Variants in DAB1 observed in about 807,000 individuals in gnomAD.
The protein encoded by DAB1 is disabled homolog 1.
DAB1 carries 15 observed loss-of-function variants against 64.6 expected under a neutral mutation model. That is an observed-to-expected ratio of 0.23 (90% CI 0.16 to 0.36). DAB1 has a LOEUF of 0.36. Ranked by LOEUF, DAB1 falls within the 10% of genes least tolerant of loss-of-function variation. DAB1 has a pLI of 1.00. For synonymous variants in DAB1, 235 were observed against 251.9 expected, an observed-to-expected ratio of 0.93 and a Z score of 0.64; for missense variants, 596 against 706.7, an observed-to-expected ratio of 0.84 and a Z score of 1.78.
intron 7 of DAB1, among the ~76,000 whole-genome samples, chr1:57,484,719 A>G (rs115366391): frequency 1.8e-4 from 28 of 152,170 alleles, no homozygotes; most frequent in African/African-American, 5.8e-4. Flanking sequence ...AAATTCATGA[A>G]GCTGGCTAAG....
intron 3 of DAB1, among the ~76,000 whole-genome samples, chr1:58,408,194 G>C (rs1161217593): frequency 6.6e-6 from 1 of 152,182 alleles, no homozygotes. Flanking sequence ...TTGAGACCCA[G>C]TGATCTGACA....
chr1:58,095,381 C>T (rs1053906926), intron 5 of DAB1, among the ~76,000 whole-genome samples: 4 of 152,100 alleles, frequency 2.6e-5, no homozygotes, highest in Non-Finnish European at 5.9e-5. Flanking sequence ...AAGTACTATC[C>T]GCATTCTACA....
At chr1:57,578,515 C>G (rs967456866) in intron 7 of DAB1, among the ~76,000 whole-genome samples, 7 of 152,204 alleles carry the variant, frequency 4.6e-5, no homozygotes, top group African/African-American at 1.2e-4. Flanking sequence ...TTCCAGAGGG[C>G]ACACGCCTGG....
chr1:57,367,109 A>AAAATAAAATAAAATAAAATAAAATAAAAT (rs1491339883), intron 1 of DAB1, among the ~76,000 whole-genome samples: 37 of 131,786 alleles, frequency 2.8e-4, no homozygotes, highest in African/African-American at 1.0e-3. Context: ...AAAATAAAAT[A>AAAATAAAATAAAATAAAATAAAATAAAAT]AAATAAAATA....
chr1:58,465,982 C>T (rs1273166417), intron 3 of DAB1, among the ~76,000 whole-genome samples: 1 of 152,152 alleles, frequency 6.6e-6, no homozygotes, highest in Non-Finnish European at 1.5e-5. Context: ...GCCAGATGTG[C>T]AGGGTTACCA....
chr1:58,168,633 C>T (rs1229488952), intron 4 of DAB1, among the ~76,000 whole-genome samples: 1 of 152,088 alleles, frequency 6.6e-6, no homozygotes, highest in Non-Finnish European at 1.5e-5. Flanking sequence ...GGGAGACTAC[C>T]TGGAATTTTA....
intron 4 of DAB1, among the ~76,000 whole-genome samples, chr1:57,131,017 A>G (rs1657609918): frequency 6.6e-6 from 1 of 152,232 alleles, no homozygotes; most frequent in South Asian, 2.1e-4. Context: ...AATATTGCAG[A>G]TTATTTAGCA....
Position 58,127,155 on chromosome 1 carries a change from C to A in DAB1, n.387+23356G>T, listed in dbSNP as rs1653162742. 1.8e-4 allele frequency among the ~76,000 whole-genome samples: 27 copies of A among 151,844 alleles called. No homozygotes were observed. In the South Asian group the frequency reaches 5.6e-3, roughly 32 times the overall value. ...GACTTTTTAATGATTGCCATTCTAACTGGTGTGAGATGGTATCTCATTGTG... is the reference window on the plus strand; with the variant it reads ...GACTTTTTAATGATTGCCATTCTAAATGGTGTGAGATGGTATCTCATTGTG... On this transcript the variant is annotated intron_variant and non_coding_transcript_variant, in intron 5 of 20. Coordinates refer to the DAB1 transcript ENST00000485760.
chr1:58,143,365 G>C (rs1654393642), intron 5 of DAB1, among the ~76,000 whole-genome samples: 2 of 152,122 alleles, frequency 1.3e-5, no homozygotes, highest in African/African-American at 4.8e-5. Flanking sequence ...CCCCACCAGT[G>C]CATCTTAAAC....
intron 5 of DAB1, among the ~76,000 whole-genome samples, chr1:57,911,949 C>G (rs146032058): frequency 6.6e-6 from 1 of 152,200 alleles, no homozygotes. Context: ...AACTAATCCC[C>G]TGTATTAAAC....
intron 6 of DAB1, among the ~76,000 whole-genome samples, chr1:57,754,964 A>G (rs1165701888): frequency 2.6e-5 from 4 of 152,158 alleles, no homozygotes; most frequent in Non-Finnish European, 5.9e-5. Flanking sequence ...CAAGTTTTCC[A>G]AAACTCAGTT....
chr1:57,400,427 C>A (rs145856990), intron 1 of DAB1, among the ~76,000 whole-genome samples: 14 of 152,174 alleles, frequency 9.2e-5, no homozygotes, highest in African/African-American at 3.1e-4. Context: ...ATGAGAGGTA[C>A]CTGCCTGTCC....
chr1:57,376,817 T>C (rs1426905101), intron 1 of DAB1, among the ~76,000 whole-genome samples: 1 of 152,246 alleles, frequency 6.6e-6, no homozygotes, highest in Admixed American at 6.5e-5. Flanking sequence ...CTTCAACTAG[T>C]TTTATTAATG....
chr1:58,290,798 G>A (rs1661804939), intron 4 of DAB1, among the ~76,000 whole-genome samples: 2 of 152,260 alleles, frequency 1.3e-5, no homozygotes, highest in Non-Finnish European at 2.9e-5. Context: ...GCCTGCTGCT[G>A]CAAGTTAGGA....
chr1:57,773,923 G>GT (rs1425586210), intron 6 of DAB1, among the ~76,000 whole-genome samples: 2 of 152,060 alleles, frequency 1.3e-5, no homozygotes, highest in Admixed American at 6.6e-5. Context: ...TTGAAATAAG[G>GT]TATCGTAAGT....
Position 57,079,225 on chromosome 1 carries a change from C to T in DAB1, c.307-6811G>A, listed in dbSNP as rs1016678618. Among the ~76,000 whole-genome samples the T allele has an allele frequency of 3.9e-5, 6 of 152,210 alleles. No homozygotes were observed. The East Asian group carries it at 7.7e-4, about 20-fold the overall frequency. ...GCTAATTTTTGCTACAATCAAAATGCTGTTTAATAAGATGGTTTTTTCTTT... is the reference window on the plus strand; with the variant it reads ...GCTAATTTTTGCTACAATCAAAATGTTGTTTAATAAGATGGTTTTTTCTTT... On this transcript the variant is annotated intron_variant, in intron 4 of 14. Coordinates refer to ENST00000371236, the MANE Select transcript of DAB1 (RefSeq NM_001365792.1).
At chr1:57,593,513 G>A (rs1004662161) in intron 7 of DAB1, among the ~76,000 whole-genome samples, 2 of 152,202 alleles carry the variant, frequency 1.3e-5, no homozygotes, top group Non-Finnish European at 2.9e-5. Flanking sequence ...GGAAGTTTAT[G>A]ATTGTGATTA....
At chr1:58,264,477 T>C (rs905969276) in intron 4 of DAB1, among the ~76,000 whole-genome samples, 2 of 152,238 alleles carry the variant, frequency 1.3e-5, no homozygotes, top group South Asian at 2.1e-4. Flanking sequence ...ATCTAAAGTG[T>C]ATATGGCTCA....
Position 57,106,360 on chromosome 1 carries a change from C to A in DAB1, c.306+30183G>T, listed in dbSNP as rs74987737. On this transcript the variant is annotated intron_variant, in intron 4 of 14. Coordinates refer to ENST00000371236, the MANE Select transcript of DAB1 (RefSeq NM_001365792.1). ...GCTCATTAAGTCCATCTCTACACAG[C>A]GGGTGGAAGGAGCGGGTGTTCTGTT... 4.2e-3 allele frequency among the ~76,000 whole-genome samples: 643 copies of A among 151,580 alleles called. 6 individuals carry two copies. Among genetic ancestry groups the A allele is most frequent in the African/African-American group, 0.012 (507 of 41,336 alleles).
Sources: allele counts gnomAD v4.1 joint callset (sites outside exome capture counted in the v4.1 genomes callset), GRCh38; gene constraint gnomAD v4.1.1; transcripts MANE v1.5; gene names NCBI Gene and HGNC (gene_info 2026-07-23, HGNC 2026-07-21).